Variants in RGS11 observed in about 807,000 individuals in gnomAD.
The protein encoded by RGS11 is regulator of G-protein signaling 11.
RGS11 carries 86 observed loss-of-function variants against 71.1 expected under a neutral mutation model. The observed-to-expected ratio is 1.21, with a 90% CI of 1.02 to 1.45. The LOEUF (loss-of-function observed/expected upper bound fraction) is 1.45, where lower values mean the gene tolerates loss of function less well. Among genes scored for constraint, RGS11 ranks in the 40% most tolerant of loss-of-function variants. The probability of loss-of-function intolerance (pLI) is 0.00; values close to 1 mark genes in which losing one functional copy is unlikely to be tolerated. For missense variants in RGS11, 734 were observed against 635.1 expected (o/e 1.16, Z -1.67); for synonymous variants, 298 against 254.2 (o/e 1.17, Z -1.64).
chr16:271,716 A>G (rs950133583), intron 9 of RGS11, 147 bp from the exon 10 acceptor site: 5 of 721,162 alleles, frequency 6.9e-6, no homozygotes, highest in Non-Finnish European at 1.2e-5. Flanking sequence ...CGCCCCTTGG[A>G]GCCCCTTCTT....
In RGS11 at chr16:274,246, C is replaced by CTTGTCCAGAAGTACGG; in HGVS notation, c.322_337dup (p.Ser113ThrfsTer35). The CTTGTCCAGAAGTACGG allele has an allele frequency of 6.2e-7, 1 of 1,611,278 alleles. No homozygotes were observed. Among genetic ancestry groups the CTTGTCCAGAAGTACGG allele is most frequent in the Non-Finnish European group, 8.5e-7 (1 of 1,179,042 alleles). On this transcript the variant is annotated frameshift_variant, in exon 5 of 17. Transcript: ENST00000397770. LOFTEE classifies it high-confidence loss of function. ...CAGCTCTGCAGCCGGCCTCAGGGTA[C>CTTGTCCAGAAGTACGG]TTGTCCAGAAGTACGGGGTCTGGCG...
chr16:275,821 G>A, intron 1 of RGS11, 28 bp downstream of exon 1: 1 of 1,022,626 alleles, frequency 9.8e-7, no homozygotes, highest in Non-Finnish European at 1.2e-6. Context: ...GAAATCGGGG[G>A]ACGGCGGGAC....
chr16:271,598 G>C (rs1175783345), intron 9 of RGS11, 29 bp from the exon 10 acceptor site: 5 of 1,609,960 alleles, frequency 3.1e-6, no homozygotes, highest in Non-Finnish European at 4.2e-6. Flanking sequence ...GCTGCAGTTA[G>C]ATGCAGGTCC....
rs773270737 is a variant in RGS11 at position 270,653 on chromosome 16, A to AGG, written c.1074_1075dup (p.Leu359ProfsTer43). On this transcript the variant is annotated frameshift_variant, in exon 15 of 17. Coordinates refer to ENST00000397770, the MANE Select transcript of RGS11 (RefSeq NM_183337.3). LOFTEE classifies it high-confidence loss of function. The stretch of plus-strand genomic sequence containing the variant: ...GACCCAGTGGGCAGCTCCGGGGGCC[A>AGG]GGAACTGCCTAGGGGTGGGGACAGC... 6.2e-7 allele frequency: 1 copy of AGG among 1,610,108 alleles called. No individual in the cohort carries two copies. Among genetic ancestry groups the AGG allele is most frequent in the Non-Finnish European group, 8.5e-7 (1 of 1,178,902 alleles).
In RGS11 at chr16:268,780, A is replaced by T. The variant is rs556432276; in HGVS notation, c.*489T>A. On this transcript the variant is annotated 3_prime_UTR_variant, in exon 17 of 17. Coordinates refer to ENST00000397770, the MANE Select transcript of RGS11 (RefSeq NM_183337.3). Reference sequence around the variant, plus strand: ...CTCTCTTGGGTCCTCTTCCAGGCTCACACTGGGCGACAGCGGAGAGGCTCT... The same window carrying T: ...CTCTCTTGGGTCCTCTTCCAGGCTCTCACTGGGCGACAGCGGAGAGGCTCT... The T allele has an allele frequency of 1.9e-6, 3 of 1,549,980 alleles. No homozygotes were observed. Among genetic ancestry groups the T allele is most frequent in the Admixed American group, 2.0e-5 (1 of 50,990 alleles).
Position 271,082 on chromosome 16 carries a change from T to G in RGS11, c.881A>C (p.Lys294Thr). Residue 294 changes from lysine (K) to threonine (T), a missense_variant, in exon 13 of 17, where the codon AAG (lysine) becomes ACG (threonine). Lys to Thr is a moderately conservative substitution (Grantham distance 78). Transcript: ENST00000397770. Reference protein sequence around the residue: ...MNAPTVAAPTKLRVERWGFSF... With the variant: ...MNAPTVAAPTTLRVERWGFSF... ...GAAGCCCCATCTCTCCACACGGAGC[T>G]TCGTGGGGGCAGCCACCCTGGGGAG... 6.2e-7 allele frequency: 1 copy of G among 1,612,136 alleles called. No homozygotes were observed. The highest frequency in any genetic ancestry group is 1.1e-5 in the South Asian group (1 of 91,014).
intron 6 of RGS11, 35 bp downstream of exon 6, chr16:274,008 T>C (rs1203089483): frequency 6.8e-7 from 1 of 1,470,354 alleles, no homozygotes; most frequent in East Asian, 3.0e-5. Flanking sequence ...CCTCCAGCTG[T>C]ACCCAGCCGG....
intron 1 of RGS11, 45 bp downstream of exon 1, chr16:275,804 G>A (rs2052155999): frequency 1.2e-6 from 1 of 829,004 alleles, no homozygotes; most frequent in African/African-American, 1.9e-5. Context: ...CCGGCCTCGG[G>A]CGCCGGGAAA....
chr16:271,313 T>C lies in RGS11; in HGVS notation c.752A>G (p.Tyr251Cys). 1 of 1,612,882 alleles carries C rather than the reference T, an allele frequency of 6.2e-7. No individual in the cohort carries two copies. The highest frequency in any genetic ancestry group is 8.5e-7 in the Non-Finnish European group (1 of 1,179,910). ...RVKSSVCLEAYLSFCGQRGPH... is the reference protein window; with the variant it reads ...RVKSSVCLEACLSFCGQRGPH... ...TCCACGCTGGCCGCAGAAACTCAGG[T>C]ACCTGGAAGGGGGTATGGGGGCTGG... Residue 251 changes from tyrosine (Y) to cysteine (C), a missense_variant and splice_region_variant, in exon 12 of 17, where the codon TAC becomes TGC. Transcript: ENST00000397770.
intron 9 of RGS11, chr16:272,104 G>A: frequency 9.2e-7 from 1 of 1,087,354 alleles, no homozygotes; most frequent in South Asian, 2.2e-5. Context: ...CCAAAGTGCT[G>A]GGATTAGAGA....
chr16:268,928 TGGGG>T lies in RGS11; in HGVS notation c.*337_*340del. ...CTGGCTGATTTACTGGTTTTAGAGA[TGGGG>T]ATGGGCACCCAGTGCTGGACTGAAG... On this transcript the variant is annotated 3_prime_UTR_variant, in exon 17 of 17. Coordinates refer to ENST00000397770, the MANE Select transcript of RGS11 (RefSeq NM_183337.3). The T allele has an allele frequency of 1.9e-6, 3 of 1,550,458 alleles. No individual in the cohort carries two copies. The highest frequency in any genetic ancestry group is 2.6e-6 in the Non-Finnish European group (3 of 1,146,946).
Position 273,763 on chromosome 16 carries a change from A to G in RGS11, c.503T>C (p.Leu168Pro), listed in dbSNP as rs774685561. 42 of 1,612,104 alleles carry G rather than the reference A, an allele frequency of 2.6e-5. No individual in the cohort carries two copies. In the Middle Eastern group the frequency reaches 5.0e-4, roughly 19 times the overall value. Residue 168 changes from leucine (L) to proline (P), a missense_variant, in exon 7 of 17, where the codon CTG (leucine) becomes CCG (proline). Physicochemically the swap from Leu to Pro is moderately conservative, Grantham distance 98 (BLOSUM62 -3). Transcript: ENST00000397770. ...DLVLMQAREQ[L>P]RAAKQRSKGD... ...GCGGGGCAGGGCGGGGCCTCACCTC[A>G]GCTGCTCCCTCGCCTGCATCAGCAC...
intron 9 of RGS11, 54 bp from the exon 10 acceptor site, chr16:271,623 A>G: frequency 1.9e-6 from 3 of 1,564,072 alleles, no homozygotes; most frequent in Non-Finnish European, 2.6e-6. Context: ...CTGGGGTCCA[A>G]AATCCCCAGC....
intron 4 of RGS11, chr16:274,605 C>G (rs938382267): frequency 1.2e-5 from 7 of 602,442 alleles, no homozygotes; most frequent in East Asian, 3.1e-5. Flanking sequence ...CAGGTCGGCC[C>G]GGGACCCTGA....
chr16:273,977 G>T (rs1378353043), intron 6 of RGS11, 66 bp downstream of exon 6: 2 of 1,468,448 alleles, frequency 1.4e-6, no homozygotes, highest in African/African-American at 2.9e-5. Context: ...GCCCCGGGGG[G>T]CCGTGAGTGA....
chr16:269,630 C>G, intron 15 of RGS11, 45 bp from the exon 16 acceptor site: 1 of 1,436,730 alleles, frequency 7.0e-7, no homozygotes, highest in Non-Finnish European at 9.8e-7. Flanking sequence ...GCCTCCTCAC[C>G]TCTCAGCCAG....
At chr16:271,503 G>A in intron 10 of RGS11, 37 bp downstream of exon 10, 1 of 1,613,976 alleles carries the variant, frequency 6.2e-7, no homozygotes, top group South Asian at 1.1e-5. Flanking sequence ...GCTGGGGAAG[G>A]CACCTGGCAC....
Position 274,035 on chromosome 16 carries a change from G to GA in RGS11, c.429+7_429+8insT, listed in dbSNP as rs575869010. ...CCCAGCCGGGGCGGGAAGGGTGGGG[G>GA]GTCCCACCTTCTCATAATCCACCAG... is the stretch of plus-strand genomic sequence containing the variant. On this transcript the variant is annotated splice_region_variant and intron_variant, in intron 6 of 16. Transcript: ENST00000397770. 4.8e-4 allele frequency: 736 copies of GA among 1,548,400 alleles called. 2 individuals are homozygous for GA. In the African/African-American group the frequency reaches 9.0e-3, roughly 19 times the overall value.
At chr16:269,769 C>G in intron 15 of RGS11, 184 bp from the exon 16 acceptor site, 1 of 575,880 alleles carries the variant, frequency 1.7e-6, no homozygotes, top group Non-Finnish European at 3.1e-6. Context: ...GACCTGGGCT[C>G]CCGTCTGCCT....
Sources: gnomAD v4.1 joint callset for allele counts on GRCh38, gnomAD v4.1.1 for gene constraint, MANE v1.5 for transcripts, NCBI Gene and HGNC (gene_info 2026-07-23, HGNC 2026-07-21) for gene names.